Variants in TAF1B observed in about 807,000 individuals in gnomAD.
TAF1B encodes the protein TATA box-binding protein-associated factor RNA polymerase I subunit B.
Under a neutral mutation model 83.9 loss-of-function variants are expected in TAF1B, and 61 were observed. The observed-to-expected ratio is 0.73, with a 90% CI of 0.59 to 0.90. TAF1B has a LOEUF of 0.90. Ranked by LOEUF, TAF1B falls within the 40% of genes least tolerant of loss-of-function variation. The pLI is 0.00. For missense variants in TAF1B, 625 were observed against 677.0 expected, an observed-to-expected ratio of 0.92 and a Z score of 0.85; for synonymous variants, 221 against 224.6, an observed-to-expected ratio of 0.98 and a Z score of 0.14.
Position 9,893,319 on chromosome 2 carries a change from A to C in TAF1B, c.807+10514A>C, listed in dbSNP as rs1356336636. On this transcript the variant is annotated intron_variant, in intron 8 of 14. Coordinates refer to ENST00000263663, the MANE Select transcript of TAF1B (RefSeq NM_005680.3). ...TAAGTTATATCCATCCTGACCCATT[A>C]CTCCTGAGTACTTTAAAAGACTAAA... 4.6e-5 allele frequency among the ~76,000 whole-genome samples: 7 copies of C among 152,092 alleles called. No homozygotes were observed. In the East Asian group the frequency reaches 1.3e-3, roughly 29 times the overall value.
In TAF1B at chr2:9,921,608, T is replaced by A. The variant is rs114025879; in HGVS notation, c.1565+1788T>A. Among the ~76,000 whole-genome samples, 838 of 152,338 alleles carry A rather than the reference T, an allele frequency of 5.5e-3. 14 individuals carry two copies. Among genetic ancestry groups the A allele is most frequent in the Middle Eastern group, 0.017 (5 of 294 alleles). Reference sequence around the variant, plus strand: ...TTCCAAGTCCACTTGAAGAGAAGATTTTTTTAATAAGAGTATGTTTTCCCC... The same window carrying A: ...TTCCAAGTCCACTTGAAGAGAAGATATTTTTAATAAGAGTATGTTTTCCCC... On this transcript the variant is annotated intron_variant, in intron 14 of 14. Transcript: ENST00000263663.
intron 8 of TAF1B, among the ~76,000 whole-genome samples, chr2:9,886,207 A>G (rs1182023716): frequency 7.1e-6 from 1 of 140,616 alleles, no homozygotes; most frequent in Non-Finnish European, 1.6e-5. Context: ...AGCTGTTTGG[A>G]TCAAAAAAAA....
intron 1 of TAF1B, 146 bp downstream of exon 1, chr2:9,843,705 A>C: frequency 1.1e-6 from 1 of 940,720 alleles, no homozygotes; most frequent in Non-Finnish European, 1.5e-6. Flanking sequence ...GGGCGGGCTA[A>C]GGACTGGGGC....
chr2:9,863,865 T>G (rs1409748718), intron 5 of TAF1B, among the ~76,000 whole-genome samples: 1 of 151,912 alleles, frequency 6.6e-6, no homozygotes, highest in African/African-American at 2.4e-5. Context: ...CATAACGAAA[T>G]GAAGGCAGAA....
intron 5 of TAF1B, 29 bp from the exon 6 acceptor site, chr2:9,868,247 T>C: frequency 6.4e-7 from 1 of 1,557,072 alleles, no homozygotes; most frequent in East Asian, 2.5e-5. Flanking sequence ...TGTTACACAA[T>C]AATTTTATTT....
chr2:9,851,092 G>A (rs1323942379), intron 3 of TAF1B, among the ~76,000 whole-genome samples: 1 of 152,196 alleles, frequency 6.6e-6, no homozygotes, highest in Admixed American at 6.5e-5. Flanking sequence ...CAGAAAAGTG[G>A]TGGAAGCAGT....
At chr2:9,862,054 A>G (rs1663788270) in intron 5 of TAF1B, among the ~76,000 whole-genome samples, 1 of 152,226 alleles carries the variant, frequency 6.6e-6, no homozygotes, top group Non-Finnish European at 1.5e-5. Flanking sequence ...CTCCAAAGGA[A>G]CGCAGCTCTT....
At chr2:9,868,570 A>G (rs1272229591) in intron 6 of TAF1B, 141 bp downstream of exon 6, 11 of 1,184,904 alleles carry the variant, frequency 9.3e-6, no homozygotes, top group Non-Finnish European at 1.4e-5. Context: ...GACTTGCTGA[A>G]TCATATGGCT....
At chr2:9,852,084 G>A in intron 4 of TAF1B, 3 of 467,556 alleles carry the variant, frequency 6.4e-6, no homozygotes, top group Non-Finnish European at 1.3e-5. Flanking sequence ...TGCTAAACCA[G>A]TCGTTCACCT....
intron 14 of TAF1B, among the ~76,000 whole-genome samples, chr2:9,923,292 A>C (rs1487652334): frequency 6.6e-6 from 1 of 152,004 alleles, no homozygotes; most frequent in Non-Finnish European, 1.5e-5. Flanking sequence ...AAGATAATTG[A>C]ACTGTAGAAA....
At chr2:9,872,220 G>A (rs1664188574) in intron 6 of TAF1B, among the ~76,000 whole-genome samples, 1 of 152,088 alleles carries the variant, frequency 6.6e-6, no homozygotes, top group South Asian at 2.1e-4. Flanking sequence ...CAGCTACTCA[G>A]GAGGCTGAGG....
rs140055422 is a variant in TAF1B, at chr2:9,932,240, A to G, written c.1566-1543A>G. Reference sequence around the variant, plus strand: ...AAGGAGCTGCAATCCTTTGGAGGAGAAGAAGTGCTCCAGTTTTTAGAATTT... The same window carrying G: ...AAGGAGCTGCAATCCTTTGGAGGAGGAGAAGTGCTCCAGTTTTTAGAATTT... On this transcript the variant is annotated intron_variant, in intron 14 of 14. Transcript: ENST00000263663. Among the ~76,000 whole-genome samples, 456 of 152,274 alleles carry G rather than the reference A, an allele frequency of 3.0e-3. 2 individuals are homozygous for G. Among genetic ancestry groups the G allele is most frequent in the African/African-American group, 0.01 (419 of 41,542 alleles).
chr2:9,858,068 A>G (rs1308772680), intron 5 of TAF1B, among the ~76,000 whole-genome samples: 2 of 152,188 alleles, frequency 1.3e-5, no homozygotes, highest in Non-Finnish European at 2.9e-5. Context: ...TCAAAAGTCC[A>G]AGTCCAAAGT....
chr2:9,884,219 C>T (rs1041442016), intron 8 of TAF1B, among the ~76,000 whole-genome samples: 26 of 152,286 alleles, frequency 1.7e-4, no homozygotes, highest in East Asian at 9.7e-4. Context: ...TTGGGGAACA[C>T]GGTGGTACCT....
chr2:9,874,441 TA>T (rs1664260490), intron 6 of TAF1B, among the ~76,000 whole-genome samples: 1 of 152,064 alleles, frequency 6.6e-6, no homozygotes, highest in Non-Finnish European at 1.5e-5. Flanking sequence ...CTGTCAAATG[TA>T]ATTTTTTTTT....
chr2:9,855,227 G>T (rs1026987187), intron 5 of TAF1B, among the ~76,000 whole-genome samples: 2 of 152,116 alleles, frequency 1.3e-5, no homozygotes, highest in African/African-American at 2.4e-5. Context: ...GCTCCTGACC[G>T]CAGATGATCC....
intron 9 of TAF1B, among the ~76,000 whole-genome samples, chr2:9,907,500 C>T (rs557277011): frequency 3.3e-5 from 5 of 152,096 alleles, no homozygotes; most frequent in African/African-American, 4.8e-5. Context: ...CCCTCCTCAA[C>T]GCCTTTAAAG....
In TAF1B at chr2:9,862,501, C is replaced by T. The variant is rs573063255; in HGVS notation, c.400-5775C>T. ...CCTGAAAGTGACAGGGAGAATCGAA[C>T]CAAGTTGGAAAACACTCTACAGGTT... On this transcript the variant is annotated intron_variant, in intron 5 of 14. Coordinates refer to ENST00000263663, the MANE Select transcript of TAF1B (RefSeq NM_005680.3). 2.6e-5 allele frequency among the ~76,000 whole-genome samples: 4 copies of T among 152,298 alleles called. No individual in the cohort carries two copies. In the East Asian group the frequency reaches 7.7e-4, roughly 29 times the overall value.
intron 6 of TAF1B, chr2:9,868,873 C>A (rs545524221): frequency 1.2e-5 from 4 of 340,806 alleles, no homozygotes; most frequent in Non-Finnish European, 2.3e-5. Context: ...GTTTTACTTT[C>A]TGATATAATT....
Sources: gnomAD v4.1 joint callset for allele counts (sites outside exome capture counted in the v4.1 genomes callset) on GRCh38, gnomAD v4.1.1 for gene constraint, MANE v1.5 for transcripts, NCBI Gene and HGNC (gene_info 2026-07-23, HGNC 2026-07-21) for gene names.